The following WWOX variants were observed in gnomAD, a reference collection of about 807,000 sequenced individuals.
WWOX encodes WW domain-containing oxidoreductase.
Under a neutral mutation model 46.2 loss-of-function variants are expected in WWOX, and 69 were observed. That is an observed-to-expected ratio of 1.49 (90% CI 1.23 to 1.82). The LOEUF is 1.82. Ranked by LOEUF, WWOX falls within the 40% of genes most tolerant of loss-of-function variation. The pLI is 0.00. For synonymous variants in WWOX, 359 were observed against 202.6 expected (o/e 1.77, Z -6.56); for missense variants, 919 against 542.6 (o/e 1.69, Z -6.89).
chr16:79,046,134 A>G (rs1044149867), intron 8 of WWOX, among the ~76,000 whole-genome samples: 2 of 152,062 alleles, frequency 1.3e-5, no homozygotes, highest in African/African-American at 4.8e-5. Flanking sequence ...AGGGATAATA[A>G]TCCTCCCTTG....
intron 8 of WWOX, among the ~76,000 whole-genome samples, chr16:78,572,034 A>G (rs914254218): frequency 1.1e-4 from 16 of 152,222 alleles, no homozygotes; most frequent in African/African-American, 3.6e-4. Flanking sequence ...TTTTGGTATT[A>G]CGTAATAAAG....
At chr16:78,365,399 A>T (rs11863022) in intron 5 of WWOX, among the ~76,000 whole-genome samples, 3,584 of 152,274 alleles carry the variant, frequency 0.024, 145 homozygotes, top group African/African-American at 0.082. Flanking sequence ...ATCCGTCTAA[A>T]TCAGGTGCTT....
intron 8 of WWOX, among the ~76,000 whole-genome samples, chr16:78,994,988 TG>T (rs1220301368): frequency 0.014 from 1,671 of 120,270 alleles, 24 homozygotes; most frequent in African/African-American, 0.053. Context: ...TTTTTTTTTT[TG>T]TTTTTCCTCC....
At chr16:78,464,884 T>C (rs2151427377) in intron 8 of WWOX, among the ~76,000 whole-genome samples, 1 of 152,298 alleles carries the variant, frequency 6.6e-6, no homozygotes, top group South Asian at 2.1e-4. Context: ...TGTGAAGAAA[T>C]ACCCGAGACT....
At chr16:78,406,297 AATATAAATATATATAT>A (rs2082531521) in intron 6 of WWOX, among the ~76,000 whole-genome samples, 12 of 74,080 alleles carry the variant, frequency 1.6e-4, no homozygotes, top group South Asian at 5.8e-4. Context: ...ACAGCATATA[AATATAAATATATATAT>A]ATATATATAT....
chr16:78,912,073 A>G (rs571463669), intron 8 of WWOX, among the ~76,000 whole-genome samples: 4 of 152,054 alleles, frequency 2.6e-5, no homozygotes, highest in African/African-American at 9.6e-5. Context: ...TATGGCCTTC[A>G]TGAGTCTTGT....
intron 8 of WWOX, among the ~76,000 whole-genome samples, chr16:78,569,982 G>A (rs1318623055): frequency 6.6e-6 from 1 of 152,176 alleles, no homozygotes; most frequent in East Asian, 1.9e-4. Context: ...TTTCCATCCT[G>A]AAGAGCTTGC....
In WWOX at chr16:78,127,844, A is replaced by C. The variant is rs932296437; in HGVS notation, c.409+12690A>C. Among the ~76,000 whole-genome samples the C allele has an allele frequency of 2.6e-5, 4 of 152,198 alleles. No homozygotes were observed. The South Asian group carries it at 6.2e-4, about 24-fold the overall frequency. On this transcript the variant is annotated intron_variant, in intron 4 of 8. Coordinates refer to ENST00000566780, the MANE Select transcript of WWOX (RefSeq NM_016373.4). Reference sequence around the variant, plus strand: ...AGGTAGGACAGTTTTATTGGCGTCTACTGGACATGGTAGGAAGAGAGCTGT... The same window carrying C: ...AGGTAGGACAGTTTTATTGGCGTCTCCTGGACATGGTAGGAAGAGAGCTGT...
At chr16:78,994,453 C>T (rs1053482737) in intron 8 of WWOX, 2 of 152,090 alleles carry the variant, frequency 1.3e-5, no homozygotes, top group Non-Finnish European at 2.9e-5. Context: ...TAACAGGGAG[C>T]CCTGACTGAA....
chr16:79,084,154 G>A (rs1288163068), intron 8 of WWOX, among the ~76,000 whole-genome samples: 2 of 152,260 alleles, frequency 1.3e-5, no homozygotes, highest in East Asian at 1.9e-4. Flanking sequence ...GGGTGGGGCC[G>A]CAGCTCTCAG....
In WWOX at chr16:79,168,144, G is replaced by C. The variant is rs79322110; in HGVS notation, c.1057-43464G>C. Among the ~76,000 whole-genome samples the C allele has an allele frequency of 4.0e-4, 61 of 152,178 alleles. 1 individual carries two copies. The East Asian group carries it at 0.01, about 26-fold the overall frequency. ...TCTGTTCATCCATTGATGGACATTT[G>C]GGTTGTTTCCGCCTTCTAGGTATAA... On this transcript the variant is annotated intron_variant, in intron 8 of 8. Transcript: ENST00000566780.
At chr16:78,397,409 A>T (rs886472257) in intron 6 of WWOX, among the ~76,000 whole-genome samples, 2 of 152,186 alleles carry the variant, frequency 1.3e-5, no homozygotes, top group Admixed American at 1.3e-4. Context: ...ATGGCAGAAG[A>T]ATGGCAGTGT....
At chr16:79,122,567 T>A (rs1377907642) in intron 8 of WWOX, among the ~76,000 whole-genome samples, 1 of 152,030 alleles carries the variant, frequency 6.6e-6, no homozygotes, top group Non-Finnish European at 1.5e-5. Flanking sequence ...CCCCTCATTC[T>A]TTCTTTCCCT....
chr16:78,819,132 G>A (rs1303222999), intron 8 of WWOX, among the ~76,000 whole-genome samples: 1 of 152,188 alleles, frequency 6.6e-6, no homozygotes, highest in Middle Eastern at 3.2e-3. Flanking sequence ...CTCTTTCTCA[G>A]TCAGTTGGCC....
intron 8 of WWOX, among the ~76,000 whole-genome samples, chr16:79,112,543 C>T (rs535859255): frequency 5.3e-5 from 8 of 152,256 alleles, no homozygotes; most frequent in Non-Finnish European, 1.0e-4. Flanking sequence ...CCAACATCCC[C>T]GGCAAACGGG....
chr16:79,008,021 A>C (rs555255626), intron 8 of WWOX, among the ~76,000 whole-genome samples: 1 of 152,360 alleles, frequency 6.6e-6, no homozygotes, highest in African/African-American at 2.4e-5. Context: ...GTCCTGGTTC[A>C]GGCTGGGACT....
intron 8 of WWOX, among the ~76,000 whole-genome samples, chr16:78,596,918 T>G (rs535390743): frequency 6.6e-6 from 1 of 152,320 alleles, no homozygotes; most frequent in Non-Finnish European, 1.5e-5. Flanking sequence ...CCACACTCTC[T>G]TGATGCTATC....
intron 5 of WWOX, among the ~76,000 whole-genome samples, chr16:78,205,204 G>A (rs1036168235): frequency 3.3e-5 from 5 of 152,150 alleles, no homozygotes; most frequent in African/African-American, 1.2e-4. Flanking sequence ...GATGGGGATG[G>A]AATGTGGGGG....
intron 8 of WWOX, among the ~76,000 whole-genome samples, chr16:78,485,373 A>T (rs1262036656): frequency 6.6e-6 from 1 of 151,964 alleles, no homozygotes; most frequent in Non-Finnish European, 1.5e-5. Context: ...TGACTCCCTA[A>T]GGAACCCTGT....
Sources: gnomAD v4.1 joint callset for allele counts (sites outside exome capture counted in the v4.1 genomes callset) on GRCh38, gnomAD v4.1.1 for gene constraint, MANE v1.5 for transcripts, NCBI Gene and HGNC (gene_info 2026-07-23, HGNC 2026-07-21) for gene names.